The following PDE10A variants were observed in gnomAD, a reference collection of about 807,000 sequenced individuals.
The protein encoded by PDE10A is cAMP and cAMP-inhibited cGMP 3',5'-cyclic phosphodiesterase 10A.
PDE10A carries 39 observed loss-of-function variants against 97.7 expected under a neutral mutation model. The ratio of observed to expected loss-of-function variants is 0.40; its 90% CI spans 0.31 to 0.52. PDE10A has a LOEUF of 0.52. PDE10A is among the 20% of genes least tolerant of loss of function. PDE10A has a pLI of 0.56. For missense variants in PDE10A, 731 were observed against 1,047.8 expected (o/e 0.70, Z 4.17); for synonymous variants, 371 against 376.8 (o/e 0.98, Z 0.18).
rs748152336 is a variant in PDE10A, at chr6:165,450,270, G to A, written c.1116C>T (p.Leu372=). 7.5e-6 allele frequency: 12 copies of A among 1,606,124 alleles called. No homozygotes were observed. Among genetic ancestry groups the A allele is most frequent in the Non-Finnish European group, 9.4e-6 (11 of 1,174,968 alleles). ...TTTTAATGATGCTGCTCAGTTCATA[G>A]AGGAGTAGCTGGTTGTCTCCTCCTG... The part of the protein sequence containing the change: ...LDTGGDNQLL[L]YELSSIIKIA... Residue 372 remains leucine, a synonymous_variant, in exon 4 of 22, where the codon CTC becomes CTT. Coordinates refer to ENST00000539869, the MANE Select transcript of PDE10A (RefSeq NM_001385079.1).
intron 1 of PDE10A, among the ~76,000 whole-genome samples, chr6:165,920,755 T>A (rs908604622): frequency 6.6e-6 from 1 of 152,236 alleles, no homozygotes. Context: ...TGCTATTATT[T>A]GTTTGTTCAT....
At chr6:165,958,585 GAAAGAGAGAA>G (rs1784242272) in intron 1 of PDE10A, among the ~76,000 whole-genome samples, 1 of 99,400 alleles carries the variant, frequency 1.0e-5, no homozygotes, top group African/African-American at 3.7e-5. Flanking sequence ...AAGAAAGACA[GAAAGAGAGAA>G]AGAAAGAGAG....
At chr6:165,934,055 C>T (rs1783240379) in intron 1 of PDE10A, among the ~76,000 whole-genome samples, 1 of 151,174 alleles carries the variant, frequency 6.6e-6, no homozygotes, top group African/African-American at 2.4e-5. Flanking sequence ...GCCATCTCGG[C>T]TCACTGCAAC....
intron 1 of PDE10A, among the ~76,000 whole-genome samples, chr6:165,654,799 C>T (rs1482241026): frequency 6.6e-6 from 1 of 152,196 alleles, no homozygotes; most frequent in Non-Finnish European, 1.5e-5. Context: ...GACCTCCTGG[C>T]TGCTGGAACT....
chr6:165,984,562 A>T (rs561157139), intron 1 of PDE10A, among the ~76,000 whole-genome samples: 6 of 152,370 alleles, frequency 3.9e-5, no homozygotes, highest in African/African-American at 1.4e-4. Flanking sequence ...GAGCGACCCG[A>T]GGTCAAAACC....
chr6:165,522,676 A>G (rs377101517), intron 2 of PDE10A, among the ~76,000 whole-genome samples: 2 of 152,064 alleles, frequency 1.3e-5, no homozygotes, highest in African/African-American at 4.8e-5. Flanking sequence ...TAGCAGGCAA[A>G]AGCTAGAAGC....
chr6:165,480,894 C>A (rs1779570471), intron 3 of PDE10A, among the ~76,000 whole-genome samples: 1 of 152,188 alleles, frequency 6.6e-6, no homozygotes, highest in Non-Finnish European at 1.5e-5. Context: ...TTATAGAGAT[C>A]TTGGCAACTG....
intron 1 of PDE10A, among the ~76,000 whole-genome samples, chr6:165,622,396 CA>C (rs1212921154): frequency 6.6e-6 from 1 of 152,064 alleles, no homozygotes; most frequent in Non-Finnish European, 1.5e-5. Flanking sequence ...TACACAAACC[CA>C]TATGGTCCAG....
intron 1 of PDE10A, among the ~76,000 whole-genome samples, chr6:165,680,597 C>T (rs1453454218): frequency 2.0e-5 from 3 of 152,188 alleles, no homozygotes; most frequent in African/African-American, 7.2e-5. Context: ...CACAAAAATG[C>T]ATCCTTTTAA....
rs529014250 is a variant in PDE10A at position 165,744,469 on chromosome 6, A to T, written c.-614-200901T>A. The stretch of plus-strand genomic sequence containing the variant: ...TGAAGTTTGTATTATTGGTGATATA[A>T]ATAATACTGATATTAATATCTCTTT... On this transcript the variant is annotated intron_variant, in intron 1 of 19. Coordinates refer to the PDE10A transcript ENST00000366882. Among the ~76,000 whole-genome samples the T allele has an allele frequency of 3.6e-3, 554 of 152,306 alleles. 2 individuals carry two copies. The highest frequency in any genetic ancestry group is 0.013 in the African/African-American group (532 of 41,560).
chr6:165,586,553 G>T (rs940241343), intron 1 of PDE10A, among the ~76,000 whole-genome samples: 4 of 152,056 alleles, frequency 2.6e-5, no homozygotes, highest in Non-Finnish European at 5.9e-5. Context: ...CCTAAAAGAA[G>T]AAAAGCAAAC....
At chr6:165,509,720 T>A (rs1781406257) in intron 2 of PDE10A, among the ~76,000 whole-genome samples, 1 of 151,998 alleles carries the variant, frequency 6.6e-6, no homozygotes. Flanking sequence ...TCTTTCCATT[T>A]GTTTGTATCC....
chr6:165,676,202 G>A (rs1790790491), intron 1 of PDE10A, among the ~76,000 whole-genome samples: 2 of 152,118 alleles, frequency 1.3e-5, no homozygotes, highest in South Asian at 4.2e-4. Flanking sequence ...GTACAGAGTG[G>A]AATCACAGAC....
At chr6:165,451,202 CCCACAGCATGT>C (rs1791266694) in intron 3 of PDE10A, among the ~76,000 whole-genome samples, 1 of 152,160 alleles carries the variant, frequency 6.6e-6, no homozygotes, top group African/African-American at 2.4e-5. Flanking sequence ...CAGCAGCAGC[CCCACAGCATGT>C]CCACAGCACA....
intron 1 of PDE10A, among the ~76,000 whole-genome samples, chr6:165,606,914 A>C (rs1043108794): frequency 2.0e-5 from 3 of 152,180 alleles, no homozygotes; most frequent in Non-Finnish European, 4.4e-5. Flanking sequence ...CCAGATGATC[A>C]ATATGATAAG....
intron 10 of PDE10A, among the ~76,000 whole-genome samples, chr6:165,425,936 G>A (rs1415569723): frequency 4.0e-5 from 6 of 151,278 alleles, no homozygotes; most frequent in African/African-American, 1.5e-4. Context: ...AAAAAATAAA[G>A]AAAACAATTC....
chr6:165,551,902 C>T (rs1784035242), intron 1 of PDE10A, among the ~76,000 whole-genome samples: 1 of 152,160 alleles, frequency 6.6e-6, no homozygotes, highest in Admixed American at 6.5e-5. Flanking sequence ...GGAAAGGGAG[C>T]AGTCAGTAGC....
intron 5 of PDE10A, among the ~76,000 whole-genome samples, chr6:165,439,510 T>G (rs1790278503): frequency 6.6e-6 from 1 of 152,108 alleles, no homozygotes; most frequent in African/African-American, 2.4e-5. Flanking sequence ...GTTCCAGAGG[T>G]GATGGTGACC....
chr6:165,830,893 T>G (rs1259189191), intron 1 of PDE10A, among the ~76,000 whole-genome samples: 2 of 152,194 alleles, frequency 1.3e-5, no homozygotes, highest in Non-Finnish European at 2.9e-5. Flanking sequence ...TTAACATCCA[T>G]GATTGCATCA....
Sources: allele counts gnomAD v4.1 joint callset (sites outside exome capture counted in the v4.1 genomes callset), GRCh38; gene constraint gnomAD v4.1.1; transcripts MANE v1.5; gene names NCBI Gene and HGNC (gene_info 2026-07-23, HGNC 2026-07-21).